STK24: variants seen among roughly 807,000 people sequenced by gnomAD.
The protein encoded by STK24 is serine/threonine kinase 24.
In STK24, 21 loss-of-function variants were observed where a neutral mutation model predicts 55.6. The observed-to-expected ratio is 0.38, with a 90% CI of 0.27 to 0.54. STK24 has a LOEUF of 0.54. STK24 is among the 20% of genes least tolerant of loss of function. The probability of loss-of-function intolerance (pLI) is 0.79; values close to 1 mark genes in which losing one functional copy is unlikely to be tolerated. For missense variants in STK24, 383 were observed against 538.4 expected (o/e 0.71, Z 2.86); for synonymous variants, 200 against 215.2 (o/e 0.93, Z 0.62).
intron 5 of STK24, 98 bp downstream of exon 5, chr13:98,474,723 G>C (rs1268196861): frequency 6.9e-7 from 1 of 1,457,428 alleles, no homozygotes; most frequent in Non-Finnish European, 9.2e-7. Flanking sequence ...CAAGGTACCA[G>C]CTTCGTTCCA....
Position 98,446,592 on chromosome 13 carries a change from A to C in STK24, c.*6581T>G. The C allele has an allele frequency of 6.7e-7, 1 of 1,497,952 alleles. No homozygotes were observed. The highest frequency in any genetic ancestry group is 9.2e-7 in the Non-Finnish European group (1 of 1,084,360). The allele number at this position is 1,497,952 out of a possible 1,614,324, so 92.8% of individuals were successfully genotyped here. A position where few individuals can be genotyped will look rare whatever the true frequency, so the allele number is the denominator to read the frequency against. ...GCCTGGGCTCCCAAGTCCCTGTCTG[A>C]TGCGGGGCAGCAGCCAGGCCCAGCA... On this transcript the variant is annotated 3_prime_UTR_variant, in exon 11 of 11. Coordinates refer to ENST00000539966, the MANE Select transcript of STK24 (RefSeq NM_001032296.4).
intron 10 of STK24, chr13:98,454,493 G>A (rs1189053925): frequency 2.0e-5 from 3 of 152,108 alleles, no homozygotes; most frequent in Admixed American, 6.5e-5. Context: ...GTTACATAAG[G>A]TCCTCCCAAA....
At chr13:98,558,166 C>T (rs1204625562) in intron 1 of STK24, among the ~76,000 whole-genome samples, 1 of 152,202 alleles carries the variant, frequency 6.6e-6, no homozygotes, top group Non-Finnish European at 1.5e-5. Context: ...CTGCACCAGA[C>T]GTATGACAGA....
chr13:98,482,554 C>T (rs1894635721), intron 2 of STK24, among the ~76,000 whole-genome samples: 1 of 152,184 alleles, frequency 6.6e-6, no homozygotes, highest in Non-Finnish European at 1.5e-5. Flanking sequence ...CCGCACCTGA[C>T]TCCCCAGGGC....
intron 2 of STK24, among the ~76,000 whole-genome samples, chr13:98,488,940 C>T (rs1193347336): frequency 1.3e-5 from 2 of 152,250 alleles, no homozygotes; most frequent in Non-Finnish European, 2.9e-5. Flanking sequence ...CAGCTGTAAC[C>T]AAAGGCCAAG....
At chr13:98,512,588 T>C (rs928625073) in intron 2 of STK24, among the ~76,000 whole-genome samples, 1 of 138,868 alleles carries the variant, frequency 7.2e-6, no homozygotes, top group South Asian at 2.3e-4. Flanking sequence ...TTTTTTTTTT[T>C]TAAAAAGGGA....
In STK24 at chr13:98,448,154, G is replaced by T. The variant is rs1219866185; in HGVS notation, c.*5019C>A. On this transcript the variant is annotated 3_prime_UTR_variant, in exon 11 of 11. Transcript: ENST00000539966. ...CAACCAGGCGGCCTGACTTCACCTT[G>T]TGTTTCTGTAAGCGATGCCCACCAA... 1.7e-6 allele frequency: 2 copies of T among 1,207,034 alleles called. No individual in the cohort carries two copies. Among genetic ancestry groups the T allele is most frequent in the Non-Finnish European group, 1.2e-6 (1 of 811,744 alleles). 74.8% of individuals were successfully genotyped at this position (1,207,034 alleles called of 1,614,324 possible). A position where few individuals can be genotyped will look rare whatever the true frequency, so the allele number is the denominator to read the frequency against.
At position 98,449,146 on chromosome 13, in the gene STK24, G is replaced by T. The variant is rs1331828114; in HGVS notation, c.*4027C>A. On this transcript the variant is annotated 3_prime_UTR_variant, in exon 11 of 11. Coordinates refer to ENST00000539966, the MANE Select transcript of STK24 (RefSeq NM_001032296.4). Reference sequence around the variant, plus strand: ...CAAGCATGAAAACCCGTGTGTCATTGATCAGCACCATTTGTGGTATGTTCC... The same window carrying T: ...CAAGCATGAAAACCCGTGTGTCATTTATCAGCACCATTTGTGGTATGTTCC... 6.6e-6 allele frequency: 1 copy of T among 152,224 alleles called. No individual in the cohort carries two copies. The highest frequency in any genetic ancestry group is 1.5e-5 in the Non-Finnish European group (1 of 68,058). The allele number at this position is 152,224 out of a possible 1,614,324, so 9.4% of individuals were successfully genotyped here.
intron 1 of STK24, among the ~76,000 whole-genome samples, chr13:98,533,624 T>C (rs1416473858): frequency 6.6e-6 from 1 of 152,108 alleles, no homozygotes; most frequent in Non-Finnish European, 1.5e-5. Flanking sequence ...CACTCCAGCC[T>C]GGGTGACAAA....
intron 1 of STK24, among the ~76,000 whole-genome samples, chr13:98,554,718 T>G (rs1470158239): frequency 6.6e-6 from 1 of 152,080 alleles, no homozygotes; most frequent in Non-Finnish European, 1.5e-5. Flanking sequence ...ATTCAAATAT[T>G]AAAGAAAATT....
chr13:98,538,496 A>T (rs1896797579), intron 1 of STK24, among the ~76,000 whole-genome samples: 1 of 152,070 alleles, frequency 6.6e-6, no homozygotes, highest in African/African-American at 2.4e-5. Context: ...AAGTGCTGGG[A>T]TTACAGGCAT....
chr13:98,464,738 G>C (rs1176325519), intron 6 of STK24, among the ~76,000 whole-genome samples: 1 of 151,836 alleles, frequency 6.6e-6, no homozygotes, highest in Non-Finnish European at 1.5e-5. Context: ...CTCAGGTGAT[G>C]CACCTGCCTC....
intron 2 of STK24, among the ~76,000 whole-genome samples, chr13:98,482,794 G>A (rs1195690968): frequency 7.2e-5 from 11 of 152,086 alleles, no homozygotes; most frequent in Admixed American, 5.2e-4. Flanking sequence ...ACCCCCTACC[G>A]TGTGTCTCCA....
At chr13:98,516,048 C>A (rs1235596620) in intron 2 of STK24, among the ~76,000 whole-genome samples, 1 of 152,210 alleles carries the variant, frequency 6.6e-6, no homozygotes, top group Non-Finnish European at 1.5e-5. Context: ...TCTAAACCTA[C>A]CAAGATGATG....
At chr13:98,491,260 G>A (rs1038347847) in intron 2 of STK24, among the ~76,000 whole-genome samples, 5 of 152,182 alleles carry the variant, frequency 3.3e-5, no homozygotes, top group African/African-American at 1.2e-4. Context: ...TTCCCAACAG[G>A]TGGCTTAGTC....
At chr13:98,456,803 T>A (rs562594045) in intron 10 of STK24, 38 of 368,836 alleles carry the variant, frequency 1.0e-4, no homozygotes, top group South Asian at 8.9e-4. Context: ...ACACTTGACT[T>A]TAAAGCCGAA....
intron 1 of STK24, among the ~76,000 whole-genome samples, chr13:98,546,801 A>G (rs1897038054): frequency 6.6e-6 from 1 of 152,114 alleles, no homozygotes; most frequent in Non-Finnish European, 1.5e-5. Flanking sequence ...GCCAGAACAC[A>G]TGAACTCCTT....
chr13:98,561,142 G>T (rs527237632), intron 1 of STK24, among the ~76,000 whole-genome samples: 2 of 152,312 alleles, frequency 1.3e-5, no homozygotes, highest in East Asian at 3.9e-4. Flanking sequence ...GAGTGTAAGT[G>T]TAACACCACC....
intron 1 of STK24, among the ~76,000 whole-genome samples, chr13:98,545,254 C>T (rs192744188): frequency 1.3e-5 from 2 of 152,362 alleles, no homozygotes; most frequent in East Asian, 3.9e-4. Context: ...TTTTTCTGCA[C>T]TGTCCCAGTT....
Sources: gnomAD v4.1 joint callset for allele counts (sites outside exome capture counted in the v4.1 genomes callset) on GRCh38, gnomAD v4.1.1 for gene constraint, MANE v1.5 for transcripts, NCBI Gene and HGNC (gene_info 2026-07-23, HGNC 2026-07-21) for gene names.